Variants in XKR6 observed in about 807,000 individuals in gnomAD.
XKR6 encodes XK-related protein 6.
A neutral mutation model predicts 56.7 loss-of-function variants in XKR6; 22 were observed. The ratio of observed to expected loss-of-function variants is 0.39; its 90% CI spans 0.28 to 0.55. The LOEUF (loss-of-function observed/expected upper bound fraction) is 0.55, where lower values mean the gene tolerates loss of function less well. XKR6 is among the 20% of genes least tolerant of loss of function. XKR6 has a pLI of 0.66. For synonymous variants in XKR6, 524 were observed against 387.8 expected (o/e 1.35, Z -4.13); for missense variants, 852 against 889.0 (o/e 0.96, Z 0.53).
intron 2 of XKR6, among the ~76,000 whole-genome samples, chr8:10,911,605 G>A (rs1271519214): frequency 7.0e-6 from 1 of 143,416 alleles, no homozygotes; most frequent in Non-Finnish European, 1.5e-5. Flanking sequence ...GGGTGAGATT[G>A]CACATATATA....
chr8:10,975,205 C>A (rs1802517734), intron 1 of XKR6, among the ~76,000 whole-genome samples: 1 of 152,332 alleles, frequency 6.6e-6, no homozygotes, highest in East Asian at 1.9e-4. Context: ...CTAGCACCCT[C>A]CTGCAGCCAA....
intron 1 of XKR6, among the ~76,000 whole-genome samples, chr8:10,979,606 G>A (rs1162506469): frequency 1.3e-5 from 2 of 152,222 alleles, no homozygotes; most frequent in African/African-American, 4.8e-5. Flanking sequence ...TTCCTTCTCT[G>A]TAAGGTGGGT....
In XKR6 at chr8:11,184,295, A is replaced by G. The variant is rs371804999; in HGVS notation, c.764+16281T>C. On this transcript the variant is annotated intron_variant, in intron 1 of 2. Coordinates refer to ENST00000416569, the MANE Select transcript of XKR6 (RefSeq NM_173683.4). ...GAGCCCTCATGCAGACCCCTGGTAC[A>G]GTCTCAACTGGTGGAGATACTATGT... is the stretch of plus-strand genomic sequence containing the variant. Among the ~76,000 whole-genome samples the G allele has an allele frequency of 1.6e-4, 25 of 152,246 alleles. 1 individual carries two copies. The highest frequency in any genetic ancestry group is 5.8e-4 in the African/African-American group (24 of 41,546).
At chr8:11,182,446 A>C (rs938651130) in intron 1 of XKR6, among the ~76,000 whole-genome samples, 2 of 152,238 alleles carry the variant, frequency 1.3e-5, no homozygotes, top group African/African-American at 4.8e-5. Flanking sequence ...GTAGAAGTGC[A>C]AGTAATCAGT....
intron 1 of XKR6, chr8:11,108,576 T>C (rs1276301558): frequency 6.0e-6 from 2 of 335,792 alleles, no homozygotes; most frequent in African/African-American, 4.4e-5. Flanking sequence ...TGGACTCTAT[T>C]TCTATCACCC....
intron 1 of XKR6, among the ~76,000 whole-genome samples, chr8:10,985,158 C>G (rs1285144451): frequency 6.6e-6 from 1 of 151,746 alleles, no homozygotes; most frequent in African/African-American, 2.4e-5. Flanking sequence ...TTGCTGTGTC[C>G]CCACCCAAAT....
chr8:10,971,841 T>A lies in XKR6; in HGVS notation c.765-47011A>T, dbSNP rs1802419316. ...GCCACCATGGAGCCCACTGTGGGAA[T>A]GAGGAACTCACCCATTCAGATAATG... On this transcript the variant is annotated intron_variant, in intron 1 of 2. Transcript: ENST00000416569. 2.0e-5 allele frequency among the ~76,000 whole-genome samples: 3 copies of A among 152,194 alleles called. No homozygotes were observed. The South Asian group carries it at 6.2e-4, about 32-fold the overall frequency.
chr8:11,036,433 C>T (rs148747687), intron 1 of XKR6, among the ~76,000 whole-genome samples: 130 of 152,244 alleles, frequency 8.5e-4, no homozygotes, highest in African/African-American at 2.9e-3. Context: ...GTTTCCAAAC[C>T]GTTGAATGTG....
rs556078441 is a variant in XKR6, at chr8:11,154,578, G to C, written c.764+45998C>G. Among the ~76,000 whole-genome samples, 37 of 152,314 alleles carry C rather than the reference G, an allele frequency of 2.4e-4. 1 individual carries two copies. Among genetic ancestry groups the C allele is most frequent in the Admixed American group, 1.3e-3 (20 of 15,302 alleles). ...ATTGTCAGACCTGAAGGTGGTTTTG[G>C]AAACACCCCAAACTTGCAGTTGGTG... On this transcript the variant is annotated intron_variant, in intron 1 of 2. Transcript: ENST00000416569.
At chr8:11,178,602 C>A (rs1802799415) in intron 1 of XKR6, among the ~76,000 whole-genome samples, 1 of 121,078 alleles carries the variant, frequency 8.3e-6, no homozygotes, top group African/African-American at 3.9e-5. Context: ...CACACACACA[C>A]AAATATATAT....
chr8:11,155,677 A>C (rs1801485554), intron 1 of XKR6, among the ~76,000 whole-genome samples: 1 of 152,148 alleles, frequency 6.6e-6, no homozygotes, highest in Non-Finnish European at 1.5e-5. Context: ...CACCATCCTC[A>C]TCACTTGCAG....
chr8:11,053,236 A>G (rs1242864405), intron 1 of XKR6, among the ~76,000 whole-genome samples: 2 of 152,210 alleles, frequency 1.3e-5, no homozygotes, highest in Non-Finnish European at 2.9e-5. Context: ...CTACTTAAAA[A>G]ACATAGATGG....
At chr8:11,186,387 G>C (rs1389764959) in intron 1 of XKR6, among the ~76,000 whole-genome samples, 19 of 152,116 alleles carry the variant, frequency 1.2e-4, no homozygotes, top group Admixed American at 1.2e-3. Context: ...TCAAACCAGG[G>C]CTTTGAGAGA....
chr8:11,147,888 G>T (rs1237049445), intron 1 of XKR6, among the ~76,000 whole-genome samples: 2 of 151,970 alleles, frequency 1.3e-5, no homozygotes, highest in African/African-American at 4.8e-5. Context: ...GGCTGTATTT[G>T]GAGAGGAGGT....
At chr8:11,126,969 T>C (rs1056645918) in intron 1 of XKR6, among the ~76,000 whole-genome samples, 1 of 152,206 alleles carries the variant, frequency 6.6e-6, no homozygotes, top group Non-Finnish European at 1.5e-5. Flanking sequence ...CAATGTTTAT[T>C]GAGCAAAGAA....
intron 1 of XKR6, among the ~76,000 whole-genome samples, chr8:10,965,929 C>T (rs1036904239): frequency 6.6e-6 from 1 of 152,240 alleles, no homozygotes; most frequent in Non-Finnish European, 1.5e-5. Flanking sequence ...GGCCTTCAAC[C>T]TCCCAAACTC....
At chr8:11,167,025 G>A (rs7008855) in intron 1 of XKR6, among the ~76,000 whole-genome samples, 10,410 of 152,214 alleles carry the variant, frequency 0.068, 411 homozygotes, top group South Asian at 0.1. Flanking sequence ...CGTGTGTGGC[G>A]GTGGTAGAAG....
chr8:10,952,965 C>T (rs906232550), intron 1 of XKR6, among the ~76,000 whole-genome samples: 12 of 152,052 alleles, frequency 7.9e-5, no homozygotes, highest in Non-Finnish European at 1.3e-4. Flanking sequence ...ACTGTGCCTG[C>T]GAGGGATCTA....
intron 1 of XKR6, among the ~76,000 whole-genome samples, chr8:11,117,388 G>T (rs867550384): frequency 6.6e-6 from 1 of 152,158 alleles, no homozygotes. Context: ...CACATATGCA[G>T]CTTGCACCCT....
Sources: gnomAD v4.1 joint callset for allele counts (sites outside exome capture counted in the v4.1 genomes callset) on GRCh38, gnomAD v4.1.1 for gene constraint, MANE v1.5 for transcripts, NCBI Gene and HGNC (gene_info 2026-07-23, HGNC 2026-07-21) for gene names.